CDKAL1: variants seen among roughly 807,000 people sequenced by gnomAD.
CDKAL1 encodes CDKAL1 threonylcarbamoyladenosine tRNA methylthiotransferase.
Under a neutral mutation model 68.2 loss-of-function variants are expected in CDKAL1, and 32 were observed. That is an observed-to-expected ratio of 0.47 (90% confidence interval 0.35 to 0.63). The LOEUF (loss-of-function observed/expected upper bound fraction) is 0.63. Ranked by LOEUF, CDKAL1 falls within the 30% of genes least tolerant of loss-of-function variation. The probability of loss-of-function intolerance (pLI) is 0.00; values close to 1 mark genes in which losing one functional copy is unlikely to be tolerated. For missense variants in CDKAL1, 606 were observed against 696.7 expected (o/e 0.87, Z 1.47); for synonymous variants, 234 against 244.3 (o/e 0.96, Z 0.39).
At chr6:20,863,110 A>G (rs564025700) in intron 9 of CDKAL1, among the ~76,000 whole-genome samples, 1 of 152,324 alleles carries the variant, frequency 6.6e-6, no homozygotes, top group East Asian at 1.9e-4. Context: ...GTTAACATGC[A>G]AATTTTATTT....
At chr6:20,845,991 T>C (rs1778361127) in intron 8 of CDKAL1, 84 bp from the exon 9 acceptor site, 1 of 778,170 alleles carries the variant, frequency 1.3e-6, no homozygotes. Flanking sequence ...AAGAGCACTT[T>C]TGTGTATGTT....
At chr6:20,719,207 G>A (rs780208837) in intron 5 of CDKAL1, among the ~76,000 whole-genome samples, 7 of 152,178 alleles carry the variant, frequency 4.6e-5, no homozygotes, top group Non-Finnish European at 1.0e-4. Context: ...GGGCAGATGA[G>A]TTCTGTGTAC....
At chr6:20,991,246 T>C (rs758291527) in intron 10 of CDKAL1, among the ~76,000 whole-genome samples, 1 of 152,144 alleles carries the variant, frequency 6.6e-6, no homozygotes, top group Non-Finnish European at 1.5e-5. Context: ...GACAGTAGAA[T>C]TGTGGTTATG....
intron 5 of CDKAL1, among the ~76,000 whole-genome samples, chr6:20,728,675 A>G (rs1390769888): frequency 6.6e-6 from 1 of 152,184 alleles, no homozygotes; most frequent in Non-Finnish European, 1.5e-5. Flanking sequence ...CCTCTTTCAT[A>G]AAACGAAATG....
chr6:20,957,418 T>C (rs1453508674), intron 10 of CDKAL1, among the ~76,000 whole-genome samples: 1 of 152,152 alleles, frequency 6.6e-6, no homozygotes, highest in Non-Finnish European at 1.5e-5. Flanking sequence ...TTGGGGAGCG[T>C]CTAAAAATCA....
At chr6:20,865,981 T>C (rs1441828637) in intron 9 of CDKAL1, among the ~76,000 whole-genome samples, 1 of 152,184 alleles carries the variant, frequency 6.6e-6, no homozygotes, top group East Asian at 1.9e-4. Flanking sequence ...TCAGAAGTGC[T>C]GAGTAAATGT....
At chr6:20,722,260 A>G (rs1202879292) in intron 5 of CDKAL1, 1 of 153,164 alleles carries the variant, frequency 6.5e-6, no homozygotes, top group Non-Finnish European at 1.4e-5. Context: ...GTTAAAAATG[A>G]GGGTTTTTTT....
intron 4 of CDKAL1, among the ~76,000 whole-genome samples, chr6:20,555,661 T>C (rs1374619245): frequency 6.7e-6 from 1 of 149,754 alleles, no homozygotes; most frequent in Non-Finnish European, 1.5e-5. Context: ...CCTGCTCTTT[T>C]GCCCAGGCCA....
intron 5 of CDKAL1, among the ~76,000 whole-genome samples, chr6:20,684,592 G>A (rs1770533344): frequency 6.6e-6 from 1 of 152,234 alleles, no homozygotes; most frequent in South Asian, 2.1e-4. Context: ...TTCAGATTCT[G>A]TCAAACTGTC....
At chr6:20,726,587 A>G (rs973978196) in intron 5 of CDKAL1, among the ~76,000 whole-genome samples, 1 of 152,188 alleles carries the variant, frequency 6.6e-6, no homozygotes, top group Non-Finnish European at 1.5e-5. Flanking sequence ...TGACATCCCA[A>G]AGACTCCCAG....
chr6:20,997,573 A>G (rs1328702083), intron 10 of CDKAL1, among the ~76,000 whole-genome samples: 1 of 152,172 alleles, frequency 6.6e-6, no homozygotes, highest in Non-Finnish European at 1.5e-5. Flanking sequence ...CATTTATCCT[A>G]CTTGTTTGCT....
At chr6:20,535,983 G>T (rs894177243) in intron 2 of CDKAL1, among the ~76,000 whole-genome samples, 1 of 152,176 alleles carries the variant, frequency 6.6e-6, no homozygotes, top group Non-Finnish European at 1.5e-5. Flanking sequence ...CCAGGCCAGA[G>T]TGCAGTGGCT....
At chr6:20,582,077 C>A (rs561882752) in intron 4 of CDKAL1, among the ~76,000 whole-genome samples, 4 of 152,182 alleles carry the variant, frequency 2.6e-5, no homozygotes, top group Non-Finnish European at 5.9e-5. Context: ...ATGTATCTAA[C>A]CCACAAAAAT....
At chr6:21,124,087 T>C (rs1379696583) in intron 13 of CDKAL1, among the ~76,000 whole-genome samples, 1 of 152,236 alleles carries the variant, frequency 6.6e-6, no homozygotes, top group Non-Finnish European at 1.5e-5. Context: ...GGTTTTTAAA[T>C]CCATGGATGA....
chr6:20,815,202 C>T (rs577487537), intron 8 of CDKAL1, among the ~76,000 whole-genome samples: 69 of 152,160 alleles, frequency 4.5e-4, no homozygotes, highest in Non-Finnish European at 8.1e-4. Flanking sequence ...TTCTTGAGAA[C>T]GGTTGCAGGC....
chr6:20,740,353 G>A (rs112755989), intron 6 of CDKAL1, among the ~76,000 whole-genome samples: 2 of 152,064 alleles, frequency 1.3e-5, no homozygotes, highest in Non-Finnish European at 2.9e-5. Context: ...AGTCAGCTCT[G>A]TGAAGTAAGG....
At chr6:21,113,951 GA>G (rs1312939013) in intron 13 of CDKAL1, among the ~76,000 whole-genome samples, 20 of 141,452 alleles carry the variant, frequency 1.4e-4, no homozygotes, top group Non-Finnish European at 2.0e-4. Flanking sequence ...AAAAGAAAAA[GA>G]AAAAAAAAAG....
intron 13 of CDKAL1, among the ~76,000 whole-genome samples, chr6:21,117,142 G>C (rs567652374): frequency 6.6e-6 from 1 of 152,064 alleles, no homozygotes; most frequent in South Asian, 2.1e-4. Context: ...CTCCCCACCA[G>C]TGTGTGCTTA....
At chr6:20,916,646 C>T (rs186941015) in intron 9 of CDKAL1, among the ~76,000 whole-genome samples, 1 of 152,124 alleles carries the variant, frequency 6.6e-6, no homozygotes, top group African/African-American at 2.4e-5. Context: ...AACTTACCTT[C>T]AGTGGGGAAA....
Sources: allele counts gnomAD v4.1 joint callset (sites outside exome capture counted in the v4.1 genomes callset), GRCh38; gene constraint gnomAD v4.1.1; transcripts MANE v1.5; gene names NCBI Gene and HGNC (gene_info 2026-07-23, HGNC 2026-07-21).